The following PSMA5 variants were observed in gnomAD, a reference collection of about 807,000 sequenced individuals.
The protein encoded by PSMA5 is proteasome 20S subunit alpha 5, also known as proteasome subunit alpha type-5.
In PSMA5, 3 loss-of-function variants were observed where a neutral mutation model predicts 34.5. The ratio of observed to expected loss-of-function variants is 0.09; its 90% CI spans 0.04 to 0.22. PSMA5 has a LOEUF of 0.22. Ranked by LOEUF, PSMA5 falls within the 10% of genes least tolerant of loss-of-function variation. PSMA5 has a pLI of 1.00. For missense variants in PSMA5, 120 were observed against 286.1 expected (o/e 0.42, Z 4.19); for synonymous variants, 88 against 95.8 (o/e 0.92, Z 0.47).
Position 109,426,359 on chromosome 1 carries a change from G to A in PSMA5, c.-29C>T, listed in dbSNP as rs1557847914. On this transcript the variant is annotated 5_prime_UTR_variant, in exon 1 of 9. Coordinates refer to ENST00000271308, the MANE Select transcript of PSMA5 (RefSeq NM_002790.4). ...GAGGGTAGGAGGAGGCAGCGGCTACGCGGGGATTCTGAGGACCAACACGAC... is the reference window on the plus strand; with the variant it reads ...GAGGGTAGGAGGAGGCAGCGGCTACACGGGGATTCTGAGGACCAACACGAC... 7 of 1,613,872 alleles carry A rather than the reference G, an allele frequency of 4.3e-6. No homozygotes were observed. In the East Asian group the frequency reaches 1.6e-4, roughly 36 times the overall value.
chr1:109,425,095 G>A (rs1183256912), intron 1 of PSMA5, among the ~76,000 whole-genome samples: 1 of 152,202 alleles, frequency 6.6e-6, no homozygotes, highest in Non-Finnish European at 1.5e-5. Context: ...TCCTATATGC[G>A]AGCAAGGAGC....
At chr1:109,421,017 C>A (rs1401686510) in intron 2 of PSMA5, among the ~76,000 whole-genome samples, 2 of 135,508 alleles carry the variant, frequency 1.5e-5, no homozygotes, top group African/African-American at 5.9e-5. Context: ...CACATCTCTA[C>A]CAAAAAAAAA....
rs1553204580 is a variant in PSMA5 at position 109,412,186 on chromosome 1, TAGA to T, written c.292-5_292-3del. The T allele has an allele frequency of 3.7e-6, 6 of 1,611,400 alleles. No individual in the cohort carries two copies. The highest frequency in any genetic ancestry group is 2.2e-5 in the South Asian group (2 of 91,042). On this transcript the variant is annotated splice_polypyrimidine_tract_variant and splice_region_variant and intron_variant, in intron 4 of 8. Coordinates refer to ENST00000271308, the MANE Select transcript of PSMA5 (RefSeq NM_002790.4). ...CTCATTGTAGGTGAACCAGTGGTTC[TAGA>T]AGAAGAGCAAAGCATGGTACAACCT...
chr1:109,406,885 T>C (rs1653781743), intron 8 of PSMA5, among the ~76,000 whole-genome samples: 2 of 152,258 alleles, frequency 1.3e-5, no homozygotes, highest in South Asian at 2.1e-4. Flanking sequence ...TTACTGTATA[T>C]AAATTATATC....
intron 7 of PSMA5, 77 bp from the exon 8 acceptor site, chr1:109,410,091 T>A: frequency 1.0e-6 from 1 of 968,538 alleles, no homozygotes. Flanking sequence ...TCCCTTTATC[T>A]CACTGAAAAA....
chr1:109,423,249 G>A (rs1654519234), intron 1 of PSMA5, among the ~76,000 whole-genome samples: 1 of 152,112 alleles, frequency 6.6e-6, no homozygotes, highest in Non-Finnish European at 1.5e-5. Context: ...GACCAGGCTG[G>A]CCAACAAGGT....
chr1:109,409,574 T>A (rs768865865), intron 8 of PSMA5, among the ~76,000 whole-genome samples: 24 of 152,226 alleles, frequency 1.6e-4, no homozygotes, highest in Admixed American at 2.6e-4. Flanking sequence ...GTCATTTCCA[T>A]GATCTATGTA....
rs574655843 is a variant in PSMA5, at chr1:109,421,726, T to G, written c.96+134A>C. On this transcript the variant is annotated intron_variant, in intron 2 of 8. Transcript: ENST00000271308. Reference sequence around the variant, plus strand: ...AGGATTGAAACTGTTATAAAAATGGTTAACAGTGGTTGCTTAAAGGGATAT... The same window carrying G: ...AGGATTGAAACTGTTATAAAAATGGGTAACAGTGGTTGCTTAAAGGGATAT... The G allele has an allele frequency of 7.2e-6, 5 of 694,730 alleles. No homozygotes were observed. In the African/African-American group the frequency reaches 7.7e-5, roughly 11 times the overall value. 43.0% of individuals were successfully genotyped at this position (694,730 alleles called of 1,614,324 possible). A position where few individuals can be genotyped will look rare whatever the true frequency, so the allele number is the denominator to read the frequency against.
chr1:109,418,622 T>A (rs1043196014), intron 2 of PSMA5, among the ~76,000 whole-genome samples: 2 of 152,318 alleles, frequency 1.3e-5, no homozygotes, highest in East Asian at 1.9e-4. Context: ...CCTAATTTTT[T>A]AAATTTTTTC....
At chr1:109,417,941 G>A (rs1207034372) in intron 2 of PSMA5, among the ~76,000 whole-genome samples, 2 of 152,100 alleles carry the variant, frequency 1.3e-5, no homozygotes, top group East Asian at 3.9e-4. Context: ...AAAGAAATGT[G>A]GGCCAGGAGT....
chr1:109,412,032 G>T, intron 5 of PSMA5, 45 bp downstream of exon 5: 1 of 1,589,252 alleles, frequency 6.3e-7, no homozygotes, highest in Non-Finnish European at 8.6e-7. Context: ...AATGTCCTAA[G>T]TCCCATAGAA....
chr1:109,424,009 CAT>C (rs1387993901), intron 1 of PSMA5, among the ~76,000 whole-genome samples: 1 of 152,216 alleles, frequency 6.6e-6, no homozygotes, highest in African/African-American at 2.4e-5. Flanking sequence ...ATACACGTAT[CAT>C]ATGTGCCAGT....
At chr1:109,418,070 A>G (rs892383312) in intron 2 of PSMA5, among the ~76,000 whole-genome samples, 1 of 152,142 alleles carries the variant, frequency 6.6e-6, no homozygotes, top group Admixed American at 6.5e-5. Context: ...CAAAAAATAA[A>G]AAAAAATAAC....
chr1:109,411,198 A>G, intron 6 of PSMA5, 85 bp from the exon 7 acceptor site: 1 of 896,358 alleles, frequency 1.1e-6, no homozygotes, highest in Non-Finnish European at 1.8e-6. Flanking sequence ...CAAAGTATAA[A>G]TGCTTGGCCC....
intron 2 of PSMA5, among the ~76,000 whole-genome samples, chr1:109,416,102 C>A (rs1160773113): frequency 6.6e-6 from 1 of 152,114 alleles, no homozygotes; most frequent in Non-Finnish European, 1.5e-5. Context: ...TTATAAAATG[C>A]TTAAAATGGT....
At chr1:109,419,435 A>G (rs1021553375) in intron 2 of PSMA5, among the ~76,000 whole-genome samples, 5 of 152,238 alleles carry the variant, frequency 3.3e-5, no homozygotes, top group East Asian at 3.9e-4. Context: ...TGGGAGGCCT[A>G]GGTGGGCGGA....
At chr1:109,411,392 T>C (rs759431936) in intron 6 of PSMA5, among the ~76,000 whole-genome samples, 1 of 152,182 alleles carries the variant, frequency 6.6e-6, no homozygotes, top group Non-Finnish European at 1.5e-5. Flanking sequence ...AGGATGAGGA[T>C]CAGATCAACA....
chr1:109,406,616 T>C (rs1331618271), intron 8 of PSMA5, among the ~76,000 whole-genome samples: 2 of 152,160 alleles, frequency 1.3e-5, no homozygotes, highest in African/African-American at 2.4e-5. Context: ...GAGGACTACT[T>C]GAGCTCATGA....
At chr1:109,408,519 G>C (rs1571017180) in intron 8 of PSMA5, among the ~76,000 whole-genome samples, 3 of 152,064 alleles carry the variant, frequency 2.0e-5, no homozygotes, top group Non-Finnish European at 4.4e-5. Flanking sequence ...AATAGGAATT[G>C]GATTTTCTGT....
Sources: gnomAD v4.1 joint callset for allele counts (sites outside exome capture counted in the v4.1 genomes callset) on GRCh38, gnomAD v4.1.1 for gene constraint, MANE v1.5 for transcripts, NCBI Gene and HGNC (gene_info 2026-07-23, HGNC 2026-07-21) for gene names.